The following ZNF267 variants were observed in gnomAD, a reference collection of about 807,000 sequenced individuals.
ZNF267 encodes zinc finger protein 267.
Under a neutral mutation model 71.6 loss-of-function variants are expected in ZNF267, and 61 were observed. That is an observed-to-expected ratio of 0.85 (90% confidence interval 0.69 to 1.05). ZNF267 has a LOEUF of 1.05. ZNF267 is among the 50% of genes least tolerant of loss of function. The pLI, the probability that ZNF267 is intolerant of heterozygous loss-of-function variation, is 0.00. For synonymous variants in ZNF267, 288 were observed against 293.2 expected, an observed-to-expected ratio of 0.98 and a Z score of 0.18; for missense variants, 852 against 870.0, an observed-to-expected ratio of 0.98 and a Z score of 0.26.
At chr16:31,874,841 TC>T (rs2083840733) in intron 1 of ZNF267, among the ~76,000 whole-genome samples, 1 of 152,158 alleles carries the variant, frequency 6.6e-6, no homozygotes, top group South Asian at 2.1e-4. Context: ...AATTTCCAGT[TC>T]CTTCCCGACA....
chr16:31,874,124 G>A (rs1481723741), intron 1 of ZNF267, 155 bp downstream of exon 1: 6 of 785,054 alleles, frequency 7.6e-6, no homozygotes, highest in Non-Finnish European at 4.1e-6. Flanking sequence ...GGTCCCCTCC[G>A]CTGCAAGATG....
Position 31,916,463 on chromosome 16 carries a change from T to C in ZNF267, c.2214T>C (p.His738=). 1.2e-6 allele frequency: 2 copies of C among 1,608,324 alleles called. No individual in the cohort carries two copies. Among genetic ancestry groups the C allele is most frequent in the East Asian group, 2.2e-5 (1 of 44,846 alleles). The change falls in exon 4 of 4, where the codon CAT becomes CAC. Residue 738 remains histidine (H), a synonymous_variant. Coordinates refer to ENST00000300870, the MANE Select transcript of ZNF267 (RefSeq NM_003414.6). ...ACCTCATTGCACATCAGAGAAGTCA[T>C]ACTAGAGAAAAACTTTAAAAATGTA... is the stretch of plus-strand genomic sequence containing the variant. ...RSYLIAHQRS[H]TREKL
intron 1 of ZNF267, among the ~76,000 whole-genome samples, chr16:31,881,011 G>A (rs1219379729): frequency 2.0e-5 from 3 of 152,266 alleles, no homozygotes; most frequent in South Asian, 4.1e-4. Flanking sequence ...TTATGTTGAC[G>A]TTGTGAATTC....
intron 1 of ZNF267, among the ~76,000 whole-genome samples, chr16:31,882,236 T>A (rs920459215): frequency 6.6e-6 from 1 of 152,210 alleles, no homozygotes; most frequent in Non-Finnish European, 1.5e-5. Context: ...ATCCGTGCTG[T>A]TTTCCAAATG....
intron 1 of ZNF267, among the ~76,000 whole-genome samples, chr16:31,876,423 C>T (rs78342029): frequency 0.021 from 3,252 of 151,954 alleles, 106 homozygotes; most frequent in African/African-American, 0.073. Context: ...CACTGTGTTG[C>T]CCCCAGAGTG....
chr16:31,884,259 C>T (rs1281568518), intron 1 of ZNF267, among the ~76,000 whole-genome samples: 1 of 152,000 alleles, frequency 6.6e-6, no homozygotes, highest in East Asian at 1.9e-4. Context: ...TGTGTTGATG[C>T]CTTAGTTTTA....
chr16:31,874,301 G>A (rs770136602), intron 1 of ZNF267: 57 of 285,370 alleles, frequency 2.0e-4, no homozygotes, highest in Non-Finnish European at 3.7e-4. Flanking sequence ...ACCCAGGTTC[G>A]GTGTGTGGGA....
chr16:31,894,328 TC>T (rs1363263170), intron 3 of ZNF267, among the ~76,000 whole-genome samples: 1 of 152,270 alleles, frequency 6.6e-6, no homozygotes, highest in Non-Finnish European at 1.5e-5. Flanking sequence ...GTTTATGATT[TC>T]TTGGACCACA....
chr16:31,914,292 C>A, intron 3 of ZNF267, 184 bp from the exon 4 acceptor site: 1 of 557,716 alleles, frequency 1.8e-6, no homozygotes, highest in Non-Finnish European at 3.0e-6. Flanking sequence ...CTGTTGGTGT[C>A]TTAGTAGTTC....
chr16:31,885,716 A>G lies in ZNF267; in HGVS notation c.226+460A>G, dbSNP rs928550699. ...GATGTCACATATTTTCTGATACATT[A>G]ATTTTTAATCGTATTGTGGTTTCCA... On this transcript the variant is annotated intron_variant, in intron 3 of 3. Transcript: ENST00000300870. 2.0e-5 allele frequency among the ~76,000 whole-genome samples: 3 copies of G among 152,314 alleles called. No individual in the cohort carries two copies. In the South Asian group the frequency reaches 6.2e-4, roughly 32 times the overall value.
At chr16:31,910,903 G>A (rs1213681278) in intron 3 of ZNF267, among the ~76,000 whole-genome samples, 2 of 151,124 alleles carry the variant, frequency 1.3e-5, no homozygotes, top group South Asian at 2.1e-4. Flanking sequence ...TTCATTATTT[G>A]TTTGAAGAAA....
chr16:31,897,278 C>G (rs1189785082), intron 3 of ZNF267, among the ~76,000 whole-genome samples: 1 of 151,976 alleles, frequency 6.6e-6, no homozygotes, highest in East Asian at 1.9e-4. Context: ...ATTTAAAGTT[C>G]ATGTTTGTAT....
chr16:31,889,846 C>T (rs2083948184), intron 3 of ZNF267, among the ~76,000 whole-genome samples: 2 of 152,142 alleles, frequency 1.3e-5, no homozygotes, highest in Admixed American at 6.5e-5. Context: ...ATATTAGGTT[C>T]CACCTTCAAG....
intron 3 of ZNF267, among the ~76,000 whole-genome samples, chr16:31,911,273 G>A (rs1424195098): frequency 6.6e-6 from 1 of 151,654 alleles, no homozygotes; most frequent in Non-Finnish European, 1.5e-5. Flanking sequence ...GCTGAAAGTG[G>A]TGTGTTGAAG....
intron 3 of ZNF267, among the ~76,000 whole-genome samples, chr16:31,888,401 A>G (rs1053685436): frequency 6.6e-6 from 1 of 151,890 alleles, no homozygotes; most frequent in African/African-American, 2.4e-5. Context: ...TCTCACTACT[A>G]TGTTGAATAG....
chr16:31,914,488 A>G lies in ZNF267; in HGVS notation c.239A>G (p.His80Arg), dbSNP rs1240559918. The G allele has an allele frequency of 2.5e-6, 4 of 1,578,420 alleles. No homozygotes were observed. Among genetic ancestry groups the G allele is most frequent in the Non-Finnish European group, 3.4e-6 (4 of 1,166,284 alleles). The change falls in exon 4 of 4, where the codon CAT (histidine) becomes CGT (arginine). Residue 80 changes from histidine (H) to arginine (R), a missense_variant. Coordinates refer to ENST00000300870, the MANE Select transcript of ZNF267 (RefSeq NM_003414.6). ...TVAIQPDVFS[H>R]YNKDLLTEHC... ...TTATATCTTTCAGATGTGTTTTCGC[A>G]TTATAACAAGGACCTGTTGACAGAG...
At chr16:31,908,530 T>G (rs1202386615) in intron 3 of ZNF267, among the ~76,000 whole-genome samples, 2 of 152,234 alleles carry the variant, frequency 1.3e-5, no homozygotes, top group Non-Finnish European at 2.9e-5. Flanking sequence ...TTTCATAGTT[T>G]GAAATCTTAA....
chr16:31,875,096 CACGTTATCGGAAAGA>C, intron 1 of ZNF267: 1 of 1,285,436 alleles, frequency 7.8e-7, no homozygotes, highest in Admixed American at 2.3e-5. Flanking sequence ...CAGGCACAGA[CACGTTATCGGAAAGA>C]ATGTCTTTTG....
At chr16:31,877,132 C>T (rs2083857695) in intron 1 of ZNF267, among the ~76,000 whole-genome samples, 3 of 152,006 alleles carry the variant, frequency 2.0e-5, no homozygotes, top group Middle Eastern at 3.4e-3. Context: ...TTTAACACTC[C>T]CCCCACCCGA....
Sources: allele counts gnomAD v4.1 joint callset (sites outside exome capture counted in the v4.1 genomes callset), GRCh38; gene constraint gnomAD v4.1.1; transcripts MANE v1.5; gene names NCBI Gene and HGNC (gene_info 2026-07-23, HGNC 2026-07-21).